The following ANXA13 variants were observed in gnomAD, a reference collection of about 807,000 sequenced individuals.
ANXA13 encodes the protein annexin A13.
ANXA13 carries 36 observed loss-of-function variants against 46.6 expected under a neutral mutation model. The ratio of observed to expected loss-of-function variants is 0.77; its 90% CI spans 0.59 to 1.02. The LOEUF (loss-of-function observed/expected upper bound fraction) is 1.02, where lower values mean the gene tolerates loss of function less well. Ranked by LOEUF, ANXA13 falls within the 50% of genes least tolerant of loss-of-function variation. The probability of loss-of-function intolerance (pLI) is 0.00; values close to 1 mark genes in which losing one functional copy is unlikely to be tolerated. For synonymous variants in ANXA13, 163 were observed against 152.9 expected, an observed-to-expected ratio of 1.07 and a Z score of -0.49; for missense variants, 417 against 396.5, an observed-to-expected ratio of 1.05 and a Z score of -0.44.
chr8:123,705,930 G>C (rs890369280), intron 2 of ANXA13, among the ~76,000 whole-genome samples: 1 of 152,160 alleles, frequency 6.6e-6, no homozygotes, highest in African/African-American at 2.4e-5. Context: ...ACAGAGAGGC[G>C]ACTTGGAAAG....
At chr8:123,698,090 C>G (rs1200626003) in intron 4 of ANXA13, among the ~76,000 whole-genome samples, 1 of 152,216 alleles carries the variant, frequency 6.6e-6, no homozygotes, top group Non-Finnish European at 1.5e-5. Flanking sequence ...CAAAGTCAGG[C>G]TGGGTGGGGG....
chr8:123,711,079 C>T lies in ANXA13; in HGVS notation c.91+1599G>A, dbSNP rs1813649530. Reference sequence around the variant, plus strand: ...ACCATGATCTCCCTACTCAGTGGGGCCCTTAGTGTGTATCAGCAGTCTTCT... The same window carrying T: ...ACCATGATCTCCCTACTCAGTGGGGTCCTTAGTGTGTATCAGCAGTCTTCT... On this transcript the variant is annotated intron_variant, in intron 2 of 10. Transcript: ENST00000419625. Among the ~76,000 whole-genome samples the T allele has an allele frequency of 2.0e-5, 3 of 152,066 alleles. No individual in the cohort carries two copies. The South Asian group carries it at 6.2e-4, about 32-fold the overall frequency.
In ANXA13 at chr8:123,692,012, G is replaced by C. The variant is rs150643125; in HGVS notation, c.642+1185C>G. Among the ~76,000 whole-genome samples the C allele has an allele frequency of 2.0e-3, 298 of 152,340 alleles. 1 individual carries two copies. The highest frequency in any genetic ancestry group is 6.9e-3 in the African/African-American group (285 of 41,570). On this transcript the variant is annotated intron_variant, in intron 8 of 10. Coordinates refer to ENST00000419625, the MANE Select transcript of ANXA13 (RefSeq NM_004306.4). Reference sequence around the variant, plus strand: ...AGGAACAAGAGACCAGGGGAGTGCAGGGTCAGCTGTCTTTGATCATGACTC... The same window carrying C: ...AGGAACAAGAGACCAGGGGAGTGCACGGTCAGCTGTCTTTGATCATGACTC...
At chr8:123,732,195 A>G (rs1175089673) in intron 1 of ANXA13, among the ~76,000 whole-genome samples, 1 of 152,214 alleles carries the variant, frequency 6.6e-6, no homozygotes. Flanking sequence ...ACTAGGAACA[A>G]TTTACCTAAA....
chr8:123,724,522 G>C (rs1813945499), intron 1 of ANXA13, among the ~76,000 whole-genome samples: 1 of 152,182 alleles, frequency 6.6e-6, no homozygotes, highest in Non-Finnish European at 1.5e-5. Flanking sequence ...TGATATCCCG[G>C]TAAAGGAGGA....
chr8:123,703,562 G>A (rs1454000434), intron 2 of ANXA13, among the ~76,000 whole-genome samples: 6 of 152,136 alleles, frequency 3.9e-5, no homozygotes, highest in African/African-American at 1.4e-4. Flanking sequence ...CCTGTTCCTT[G>A]GCCTCTGGGT....
At chr8:123,682,987 T>A (rs1813066338) in intron 10 of ANXA13, among the ~76,000 whole-genome samples, 2 of 152,170 alleles carry the variant, frequency 1.3e-5, no homozygotes, top group African/African-American at 4.8e-5. Flanking sequence ...TCATTTGGAA[T>A]CCTGGGTCTT....
At chr8:123,684,583 C>CCT in intron 10 of ANXA13, 27 bp downstream of exon 10, 1 of 1,487,986 alleles carries the variant, frequency 6.7e-7, no homozygotes. Context: ...GTTGCAGCCG[C>CCT]CTCTTTGGAG....
rs890621608 is a variant in ANXA13, at chr8:123,688,927, T to A, written c.662A>T (p.Glu221Val). Residue 221 changes from glutamate (E) to valine (V), a missense_variant, in exon 9 of 11, where the codon GAA becomes GTA. Physicochemically the swap from Glu to Val is moderately radical, Grantham distance 121. Coordinates refer to ENST00000419625, the MANE Select transcript of ANXA13 (RefSeq NM_004306.4). ...AYQILIGKDI[E>V]EAIEEETSGD... ...TGATGTTTCTTCTTCAATGGCTTCT[T>A]CTATGTCTTTGCCAATGAGCTGCAG... 6.2e-7 allele frequency: 1 copy of A among 1,613,918 alleles called. No individual in the cohort carries two copies. The highest frequency in any genetic ancestry group is 1.3e-5 in the African/African-American group (1 of 75,028).
chr8:123,724,439 C>A (rs1007268883), intron 1 of ANXA13, among the ~76,000 whole-genome samples: 11 of 152,156 alleles, frequency 7.2e-5, no homozygotes, highest in African/African-American at 2.7e-4. Flanking sequence ...ATTTCTAAAA[C>A]TCCCCAGACA....
chr8:123,701,036 C>G (rs1040703826), intron 3 of ANXA13, among the ~76,000 whole-genome samples: 14 of 152,126 alleles, frequency 9.2e-5, no homozygotes, highest in African/African-American at 3.1e-4. Flanking sequence ...TCTCAAACTC[C>G]TGGGCTCAAG....
intron 10 of ANXA13, among the ~76,000 whole-genome samples, chr8:123,684,226 C>G (rs1445468623): frequency 1.3e-5 from 2 of 152,196 alleles, no homozygotes; most frequent in African/African-American, 4.8e-5. Flanking sequence ...AAAGGCCTCA[C>G]TCAGGAATTC....
intron 1 of ANXA13, among the ~76,000 whole-genome samples, chr8:123,719,855 G>A (rs935281600): frequency 1.3e-5 from 2 of 152,176 alleles, no homozygotes; most frequent in African/African-American, 4.8e-5. Flanking sequence ...TCACGTCTCT[G>A]AGCCTTAGTT....
At chr8:123,693,527 A>G (rs1813278192) in intron 7 of ANXA13, among the ~76,000 whole-genome samples, 184 bp downstream of exon 7, 3 of 152,232 alleles carry the variant, frequency 2.0e-5, no homozygotes, top group African/African-American at 2.4e-5. Flanking sequence ...ACCCCAGAGT[A>G]TAAGAATAGG....
chr8:123,723,077 A>G (rs191682007), intron 1 of ANXA13, among the ~76,000 whole-genome samples: 4 of 152,342 alleles, frequency 2.6e-5, no homozygotes, highest in Middle Eastern at 3.4e-3. Context: ...AGCTGGATAA[A>G]TTGCCAAATA....
chr8:123,693,434 G>C (rs1813276770), intron 7 of ANXA13, 136 bp from the exon 8 acceptor site: 3 of 766,454 alleles, frequency 3.9e-6, no homozygotes, highest in Non-Finnish European at 6.4e-6. Flanking sequence ...AGCACTTTCA[G>C]CTTCTAACCC....
chr8:123,709,089 T>A (rs781082672), intron 2 of ANXA13, among the ~76,000 whole-genome samples: 16 of 152,350 alleles, frequency 1.1e-4, no homozygotes, highest in Middle Eastern at 6.8e-3. Flanking sequence ...CAGTTCACCC[T>A]GAGTGATGGA....
At position 123,690,904 on chromosome 8, in the gene ANXA13, G is replaced by A. The variant is rs886288062; in HGVS notation, c.643-1958C>T. ...GAACATGTACAGGGGAGGGGCAAAGGGTGAGGCACGCAGTGAGGTGGCAGC... is the reference window on the plus strand; with the variant it reads ...GAACATGTACAGGGGAGGGGCAAAGAGTGAGGCACGCAGTGAGGTGGCAGC... On this transcript the variant is annotated intron_variant, in intron 8 of 10. Coordinates refer to ENST00000419625, the MANE Select transcript of ANXA13 (RefSeq NM_004306.4). The surrounding 1 kb of genome is among the most constrained non-coding windows in gnomAD (Gnocchi z 4.6). 6.6e-6 allele frequency among the ~76,000 whole-genome samples: 1 copy of A among 152,182 alleles called. No individual in the cohort carries two copies. The highest frequency in any genetic ancestry group is 1.5e-5 in the Non-Finnish European group (1 of 68,024).
rs761674150 is a variant in ANXA13, at chr8:123,693,285, C to A, written c.554G>T (p.Arg185Leu). The A allele has an allele frequency of 1.2e-6, 2 of 1,614,058 alleles. No homozygotes were observed. Among genetic ancestry groups the A allele is most frequent in the Admixed American group, 3.3e-5 (2 of 59,984 alleles). The stretch of plus-strand genomic sequence containing the variant: ...GAACGCAAGCTCATCAGTGCCCCAG[C>A]GGCCTTCCCCTGCCTCAAGGGTCAA... ...AKDLYDAGEG[R>L]WGTDELAFNE... Residue 185 changes from arginine (R) to leucine (L), a missense_variant, in exon 8 of 11, where the codon CGC (arginine) becomes CTC (leucine). Physicochemically the swap from Arg to Leu is moderately radical, Grantham distance 102. Transcript: ENST00000419625.
Sources: gnomAD v4.1 joint callset for allele counts (sites outside exome capture counted in the v4.1 genomes callset) on GRCh38, gnomAD v4.1.1 for gene constraint, Gnocchi (gnomAD v3.1) non-coding constraint, MANE v1.5 for transcripts, NCBI Gene and HGNC (gene_info 2026-07-23, HGNC 2026-07-21) for gene names.